Variants in PITHD1 observed in about 807,000 individuals in gnomAD.
The protein encoded by PITHD1 is PITH domain containing 1, also known as PITH domain-containing protein 1.
In PITHD1, 8 loss-of-function variants were observed where a neutral mutation model predicts 27.5. That is an observed-to-expected ratio of 0.29 (90% CI 0.17 to 0.52). The LOEUF (loss-of-function observed/expected upper bound fraction) is 0.52, where lower values mean the gene tolerates loss of function less well. Ranked by LOEUF, PITHD1 falls within the 20% of genes least tolerant of loss-of-function variation. The pLI is 0.96. For synonymous variants in PITHD1, 118 were observed against 106.8 expected, an observed-to-expected ratio of 1.10 and a Z score of -0.64; for missense variants, 233 against 283.9, an observed-to-expected ratio of 0.82 and a Z score of 1.29.
intron 3 of PITHD1, among the ~76,000 whole-genome samples, chr1:23,781,802 AG>A (rs1355075003): frequency 6.6e-6 from 1 of 152,192 alleles, no homozygotes; most frequent in African/African-American, 2.4e-5. Context: ...GAATGGTAAC[AG>A]TGCATACATA....
intron 1 of PITHD1, chr1:23,779,216 C>G (rs1343379362): frequency 1.4e-5 from 7 of 516,568 alleles, no homozygotes; most frequent in Admixed American, 3.8e-5. Context: ...CCTGGAAATT[C>G]ATTCATGGGC....
intron 2 of PITHD1, 40 bp downstream of exon 2, chr1:23,779,521 T>G: frequency 6.9e-7 from 1 of 1,457,176 alleles, no homozygotes; most frequent in Non-Finnish European, 9.6e-7. Flanking sequence ...CTAAATAGGC[T>G]GTACCCAGTT....
chr1:23,780,783 G>A (rs560889945), intron 3 of PITHD1, among the ~76,000 whole-genome samples: 1 of 152,192 alleles, frequency 6.6e-6, no homozygotes, highest in African/African-American at 2.4e-5. Context: ...GGTGAGGCAG[G>A]AGAATTGCTT....
At chr1:23,786,247 C>G in intron 4 of PITHD1, 68 bp from the exon 5 acceptor site, 1 of 673,360 alleles carries the variant, frequency 1.5e-6, no homozygotes, top group Non-Finnish European at 2.6e-6. Flanking sequence ...ATTGTTGTTT[C>G]ACATGGTGGT....
chr1:23,783,283 G>A (rs1425863341), intron 3 of PITHD1, among the ~76,000 whole-genome samples: 1 of 145,890 alleles, frequency 6.9e-6, no homozygotes, highest in African/African-American at 2.7e-5. Flanking sequence ...AGGCACATGT[G>A]TGTATATATA....
At position 23,779,431 on chromosome 1, in the gene PITHD1, C is replaced by G; in HGVS notation, c.199-7C>G. 2 of 1,611,032 alleles carry G rather than the reference C, an allele frequency of 1.2e-6. No homozygotes were observed. Among genetic ancestry groups the G allele is most frequent in the Non-Finnish European group, 1.7e-6 (2 of 1,177,178 alleles). ...GCTTTCTCCTCCCCCCTCCCCATCC[C>G]CTCCAGTTTGTTGAAAGTGATGCAG... On this transcript the variant is annotated splice_region_variant and splice_polypyrimidine_tract_variant and intron_variant, in intron 1 of 5. Transcript: ENST00000246151.
At chr1:23,783,041 G>A (rs1014631559) in intron 3 of PITHD1, among the ~76,000 whole-genome samples, 1 of 151,780 alleles carries the variant, frequency 6.6e-6, no homozygotes. Context: ...GTGTCGCCCA[G>A]GCTGGAGTGC....
chr1:23,780,806 C>T (rs997849088), intron 3 of PITHD1, among the ~76,000 whole-genome samples: 7 of 151,330 alleles, frequency 4.6e-5, no homozygotes, highest in Non-Finnish European at 7.4e-5. Flanking sequence ...ACCTGGGAGG[C>T]GGAGGTTGCA....
intron 3 of PITHD1, among the ~76,000 whole-genome samples, chr1:23,783,349 A>ACG (rs1491205775): frequency 6.7e-6 from 1 of 149,364 alleles, no homozygotes; most frequent in Non-Finnish European, 1.5e-5. Flanking sequence ...GTATATATAC[A>ACG]TATATACGCA....
At position 23,778,435 on chromosome 1, in the gene PITHD1, G is replaced by C. The variant is rs1638541137; in HGVS notation, c.-81G>C. The C allele has an allele frequency of 2.1e-6, 2 of 970,326 alleles. No individual in the cohort carries two copies. Among genetic ancestry groups the C allele is most frequent in the Admixed American group, 9.3e-5 (2 of 21,432 alleles). 60.1% of individuals were successfully genotyped at this position (970,326 alleles called of 1,614,324 possible). On this transcript the variant is annotated 5_prime_UTR_variant, in exon 1 of 6. Coordinates refer to ENST00000246151, the MANE Select transcript of PITHD1 (RefSeq NM_020362.5). ...GCGCGCTTAGTTGCCGGAGCTGAAC[G>C]GCGCGGAGCTGGTCTGAGGCGAGCC...
chr1:23,784,173 CTAT>C (rs1040023138), intron 3 of PITHD1, among the ~76,000 whole-genome samples: 24 of 147,374 alleles, frequency 1.6e-4, no homozygotes, highest in African/African-American at 5.5e-4. Context: ...TAAATGTTTA[CTAT>C]TATTATTATT....
intron 3 of PITHD1, among the ~76,000 whole-genome samples, chr1:23,783,246 C>T (rs1360466238): frequency 6.6e-6 from 1 of 151,366 alleles, no homozygotes; most frequent in South Asian, 2.1e-4. Context: ...ATCCACCCAC[C>T]TCAGCCTCCC....
At chr1:23,779,321 G>A in intron 1 of PITHD1, 117 bp from the exon 2 acceptor site, 7 of 795,138 alleles carry the variant, frequency 8.8e-6, no homozygotes, top group Non-Finnish European at 1.3e-5. Flanking sequence ...GGAAAACCAA[G>A]GGAGAGTGAC....
intron 2 of PITHD1, 128 bp from the exon 3 acceptor site, chr1:23,779,736 A>G: frequency 2.7e-6 from 2 of 728,594 alleles, no homozygotes; most frequent in Non-Finnish European, 4.9e-6. Flanking sequence ...GATCTTAGAA[A>G]TTATCTAGTA....
rs112440368 is a variant in PITHD1, at chr1:23,787,179, A to C, written c.535-96A>C. 100 of 717,490 alleles carry C rather than the reference A, an allele frequency of 1.4e-4. No homozygotes were observed. In the African/African-American group the frequency reaches 1.6e-3, roughly 12 times the overall value. 44.4% of individuals were successfully genotyped at this position (717,490 alleles called of 1,614,324 possible). On this transcript the variant is annotated intron_variant, in intron 5 of 5. Transcript: ENST00000246151. ...AAGGAGATATTAAATGATGACTCCTAGAAATGAACCTGAATAAGGACTACC... is the reference window on the plus strand; with the variant it reads ...AAGGAGATATTAAATGATGACTCCTCGAAATGAACCTGAATAAGGACTACC...
chr1:23,783,057 C>T (rs953920886), intron 3 of PITHD1, among the ~76,000 whole-genome samples: 25 of 151,760 alleles, frequency 1.6e-4, no homozygotes, highest in Non-Finnish European at 3.2e-4. Flanking sequence ...AGTGCAGTGG[C>T]GCGATCTCGG....
In PITHD1 at chr1:23,779,372, G is replaced by T; in HGVS notation, c.199-66G>T. The T allele has an allele frequency of 3.2e-6, 4 of 1,246,062 alleles. No individual in the cohort carries two copies. The East Asian group carries it at 7.0e-5, about 22-fold the overall frequency. The allele number at this position is 1,246,062 out of a possible 1,614,324, so 77.2% of individuals were successfully genotyped here. A position where few individuals can be genotyped will look rare whatever the true frequency, so the allele number is the denominator to read the frequency against. ...CCAGTTGTAGAGCAGGGTGGGAGAT[G>T]CCTGAAATTGTAGGCTCTCAGCAAA... On this transcript the variant is annotated intron_variant, in intron 1 of 5. Transcript: ENST00000246151.
chr1:23,783,586 G>A (rs1638641602), intron 3 of PITHD1, among the ~76,000 whole-genome samples: 1 of 151,464 alleles, frequency 6.6e-6, no homozygotes, highest in Non-Finnish European at 1.5e-5. Flanking sequence ...TGAGTAGCTG[G>A]GATTACAGGT....
chr1:23,785,417 T>C (rs2473380), intron 3 of PITHD1: 243,339 of 244,488 alleles, frequency 1, 121,105 homozygotes, highest in East Asian at 1. Flanking sequence ...CACTTGAACC[T>C]GGGAGGTGGA....
Sources: allele counts gnomAD v4.1 joint callset (sites outside exome capture counted in the v4.1 genomes callset), GRCh38; gene constraint gnomAD v4.1.1; transcripts MANE v1.5; gene names NCBI Gene and HGNC (gene_info 2026-07-23, HGNC 2026-07-21).